Variants in MAP4 observed in about 807,000 individuals in gnomAD.
The protein encoded by MAP4 is microtubule-associated protein 4.
In MAP4, 76 loss-of-function variants were observed where a neutral mutation model predicts 170.2. The observed-to-expected ratio is 0.45, with a 90% confidence interval of 0.37 to 0.54. MAP4 has a LOEUF of 0.54. MAP4 is among the 20% of genes least tolerant of loss of function. MAP4 has a pLI of 0.00. For synonymous variants in MAP4, 909 were observed against 994.5 expected (o/e 0.91, Z 1.62); for missense variants, 2,506 against 2,748.0 (o/e 0.91, Z 1.97).
chr3:47,867,885 G>C (rs970686853), intron 16 of MAP4, among the ~76,000 whole-genome samples: 3 of 152,226 alleles, frequency 2.0e-5, no homozygotes, highest in African/African-American at 7.2e-5. Context: ...GATACTAACA[G>C]GAAGGAGGGG....
chr3:47,972,246 T>G (rs1229479485), intron 3 of MAP4, among the ~76,000 whole-genome samples: 1 of 152,212 alleles, frequency 6.6e-6, no homozygotes, highest in Non-Finnish European at 1.5e-5. Flanking sequence ...CGCATTTTGT[T>G]GAATTCTTCC....
chr3:47,979,743 G>A (rs2100084378), intron 2 of MAP4, among the ~76,000 whole-genome samples: 1 of 152,200 alleles, frequency 6.6e-6, no homozygotes, highest in African/African-American at 2.4e-5. Context: ...TTACAGGCAT[G>A]AGCCACTGTG....
chr3:48,038,459 C>CT (rs397989482), intron 1 of MAP4, among the ~76,000 whole-genome samples: 88,268 of 121,928 alleles, frequency 0.72, 32,536 homozygotes, highest in East Asian at 0.87. Context: ...TGCACTGAAA[C>CT]TTTTTTTTTT....
At chr3:47,930,459 AAAAC>A (rs1408420077) in intron 3 of MAP4, among the ~76,000 whole-genome samples, 5 of 151,596 alleles carry the variant, frequency 3.3e-5, no homozygotes, top group East Asian at 1.9e-4. Flanking sequence ...CTCAAAAAAA[AAAAC>A]AAACAAACAA....
At chr3:48,021,958 A>G (rs2100110771) in intron 1 of MAP4, among the ~76,000 whole-genome samples, 1 of 152,210 alleles carries the variant, frequency 6.6e-6, no homozygotes, top group Admixed American at 6.5e-5. Context: ...AAAGAGGCCA[A>G]TGTACTTGGT....
intron 2 of MAP4, among the ~76,000 whole-genome samples, chr3:47,998,092 G>A (rs933678378): frequency 2.1e-4 from 32 of 152,156 alleles, no homozygotes; most frequent in African/African-American, 6.8e-4. Flanking sequence ...TGAAGTCGGC[G>A]TGACCTCAAT....
Position 47,998,811 on chromosome 3 carries a change from A to T in MAP4, c.50T>A (p.Ile17Asn). Residue 17 changes from isoleucine (I) to asparagine (N), a missense_variant, in exon 2 of 21, where the codon ATT (isoleucine) becomes AAT (asparagine). Physicochemically the swap from Ile to Asn is moderately radical, Grantham distance 149. Around this residue, in one of 3 missense-constraint regions of MAP4, gnomAD observed 2,008 missense variants for 2,206.0 expected, o/e 0.91. Coordinates refer to ENST00000683076, the MANE Select transcript of MAP4 (RefSeq NM_001385682.1). ...ADALTEPSPD[I>N]EGEIKRDFIA... Reference sequence around the variant, plus strand: ...GAAGTCCCGCTTTATCTCTCCCTCAATGTCTGGAGATGGTTCTGTTAATGC... The same window carrying T: ...GAAGTCCCGCTTTATCTCTCCCTCATTGTCTGGAGATGGTTCTGTTAATGC... The T allele has an allele frequency of 6.2e-7, 1 of 1,614,094 alleles. No homozygotes were observed. Among genetic ancestry groups the T allele is most frequent in the Non-Finnish European group, 8.5e-7 (1 of 1,179,974 alleles).
chr3:47,909,792 G>A lies in MAP4; in HGVS notation c.4629C>T (p.Ile1543=). 6.2e-7 allele frequency: 1 copy of A among 1,613,896 alleles called. No homozygotes were observed. The highest frequency in any genetic ancestry group is 8.5e-7 in the Non-Finnish European group (1 of 1,179,884). Residue 1543 remains isoleucine (I), a synonymous_variant, in exon 9 of 21, where the codon ATC becomes ATT. Coordinates refer to ENST00000683076, the MANE Select transcript of MAP4 (RefSeq NM_001385682.1). ...LADSMKNEAG[I]DEGHVIGESE... is the part of the protein sequence containing the mutation. ...ATTCTCCTATCACATGCCCTTCATC[G>A]ATCCCTGCTTCATTTTTCATGGAAT...
chr3:47,875,770 C>G lies in MAP4; in HGVS notation c.5672G>C (p.Gly1891Ala), dbSNP rs142115321. 3.7e-5 allele frequency: 60 copies of G among 1,613,970 alleles called. No individual in the cohort carries two copies. Among genetic ancestry groups the G allele is most frequent in the Non-Finnish European group, 4.9e-5 (58 of 1,180,042 alleles). Residue 1891 changes from glycine (G) to alanine (A), a missense_variant, in exon 12 of 21, where the codon GGC (glycine) becomes GCC (alanine). By Grantham distance (60) the Gly-to-Ala change is moderately conservative (BLOSUM62 0). Coordinates refer to ENST00000683076, the MANE Select transcript of MAP4 (RefSeq NM_001385682.1). ...TTTGGGTGGGGCAGCTGGCACTAAG[C>G]CTGAAGCAAGGCTCATGGGTTTTTT... ...LNKKPMSLAS[G>A]LVPAAPPKRP...
At position 47,853,328 on chromosome 3, in the gene MAP4, G is replaced by A. The variant is rs367803352; in HGVS notation, c.6721C>T (p.Pro2241Ser). The A allele has an allele frequency of 2.5e-5, 41 of 1,609,670 alleles. No homozygotes were observed. The African/African-American group carries it at 3.3e-4, about 13-fold the overall frequency. The change falls in exon 20 of 21, where the codon CCT becomes TCT. Residue 2241 changes from proline (P) to serine (S), a missense_variant. Around this residue, in one of 3 missense-constraint regions of MAP4, gnomAD observed 487 missense variants for 511.6 expected, o/e 0.95. Transcript: ENST00000683076. Reference sequence around the variant, plus strand: ...CCAGCAGGGGGACCCGGACACAGAGGAGCCTCGCTGCCACCGCCCTCAGTC... The same window carrying A: ...CCAGCAGGGGGACCCGGACACAGAGAAGCCTCGCTGCCACCGCCCTCAGTC... ...VKTEGGGSEA[P>S]LCPGPPAGEE...
At chr3:48,048,018 T>C (rs923337595) in intron 1 of MAP4, among the ~76,000 whole-genome samples, 5 of 152,082 alleles carry the variant, frequency 3.3e-5, no homozygotes, top group South Asian at 4.1e-4. Context: ...ACAGAAAGGA[T>C]TGCTTGAGTC....
At chr3:48,058,867 C>A (rs945530993) in intron 1 of MAP4, among the ~76,000 whole-genome samples, 1 of 152,148 alleles carries the variant, frequency 6.6e-6, no homozygotes, top group Non-Finnish European at 1.5e-5. Flanking sequence ...GCAACCTCCA[C>A]CTCCTGGGTT....
rs187216110 is a variant in MAP4 at position 47,981,588 on chromosome 3, G to A, written c.224-3655C>T. ...AGTTCGAGACCTGCCTGGCCAATGCGGTGAAACCCCATATCTACTAAAATA... is the reference window on the plus strand; with the variant it reads ...AGTTCGAGACCTGCCTGGCCAATGCAGTGAAACCCCATATCTACTAAAATA... On this transcript the variant is annotated intron_variant, in intron 2 of 20. Transcript: ENST00000683076. Among the ~76,000 whole-genome samples the A allele has an allele frequency of 7.3e-5, 11 of 151,598 alleles. No homozygotes were observed. The South Asian group carries it at 1.7e-3, about 23-fold the overall frequency.
chr3:48,076,863 A>G (rs900066719), intron 1 of MAP4, among the ~76,000 whole-genome samples: 27 of 152,346 alleles, frequency 1.8e-4, no homozygotes, highest in African/African-American at 6.5e-4. Context: ...TTCAAAAGAT[A>G]CTATCAGTCA....
chr3:47,853,439 C>A, intron 19 of MAP4, 87 bp from the exon 20 acceptor site: 1 of 959,120 alleles, frequency 1.0e-6, no homozygotes, highest in Non-Finnish European at 1.5e-6. Context: ...CACACACAGC[C>A]CCCACCCTTG....
At chr3:47,974,609 GT>G in intron 3 of MAP4, 1 of 960,108 alleles carries the variant, frequency 1.0e-6, no homozygotes. Flanking sequence ...CATGGTCCAT[GT>G]TTTATGTTAT....
intron 2 of MAP4, among the ~76,000 whole-genome samples, chr3:47,983,291 C>T (rs1020775330): frequency 1.3e-5 from 2 of 152,152 alleles, no homozygotes; most frequent in Non-Finnish European, 2.9e-5. Context: ...TCACTGTAAC[C>T]TCAAAATGCT....
In MAP4 at chr3:48,085,191, T is replaced by TA. The variant is rs896066878; in HGVS notation, c.-20+3581dup. 9.8e-3 allele frequency among the ~76,000 whole-genome samples: 965 copies of TA among 98,780 alleles called. 8 individuals carry two copies. Among genetic ancestry groups the TA allele is most frequent in the Middle Eastern group, 0.017 (3 of 176 alleles). 64.8% of individuals were successfully genotyped at this position (98,780 alleles called of 152,430 possible). On this transcript the variant is annotated intron_variant, in intron 1 of 18. Coordinates refer to the MAP4 transcript ENST00000360240. ...ATAGCAACTACTCACGCTTAATCTT[T>TA]AAAAAAAAAAAAAAAAAAAAGCAAA...
chr3:47,952,488 T>C (rs2100065011), intron 3 of MAP4, among the ~76,000 whole-genome samples: 1 of 152,070 alleles, frequency 6.6e-6, no homozygotes, highest in Non-Finnish European at 1.5e-5. Flanking sequence ...GGATGGTTGC[T>C]GTGTCTGTGT....
Sources: allele counts gnomAD v4.1 joint callset (sites outside exome capture counted in the v4.1 genomes callset), GRCh38; gene constraint gnomAD v4.1.1; regional missense constraint gnomAD v4.1.1; transcripts MANE v1.5; gene names NCBI Gene and HGNC (gene_info 2026-07-23, HGNC 2026-07-21).